Variants in RTN3 observed in about 807,000 individuals in gnomAD.
RTN3 encodes the protein reticulon 3.
A neutral mutation model predicts 77.8 loss-of-function variants in RTN3; 49 were observed. That is an observed-to-expected ratio of 0.63 (90% CI 0.50 to 0.80). RTN3 has a LOEUF of 0.80. Ranked by LOEUF, RTN3 falls within the 30% of genes least tolerant of loss-of-function variation. The probability of loss-of-function intolerance (pLI) is 0.00; values close to 1 mark genes in which losing one functional copy is unlikely to be tolerated. For synonymous variants in RTN3, 464 were observed against 446.9 expected (o/e 1.04, Z -0.48); for missense variants, 1,236 against 1,211.9 (o/e 1.02, Z -0.29).
intron 2 of RTN3, among the ~76,000 whole-genome samples, chr11:63,716,403 C>T (rs963060107): frequency 2.0e-5 from 3 of 152,256 alleles, no homozygotes; most frequent in Non-Finnish European, 2.9e-5. Flanking sequence ...GTTACTCATT[C>T]ATGCTCAAGG....
At chr11:63,682,286 G>C (rs193036270) in intron 1 of RTN3, among the ~76,000 whole-genome samples, 1 of 152,334 alleles carries the variant, frequency 6.6e-6, no homozygotes, top group Admixed American at 6.5e-5. Flanking sequence ...CTGCCCATGG[G>C]AAGGATGAGG....
At position 63,756,106 on chromosome 11, in the gene RTN3, T is replaced by C. The variant is rs1175696607; in HGVS notation, c.2995-6T>C. 2 of 1,609,992 alleles carry C rather than the reference T, an allele frequency of 1.2e-6. No individual in the cohort carries two copies. The highest frequency in any genetic ancestry group is 1.7e-6 in the Non-Finnish European group (2 of 1,176,344). On this transcript the variant is annotated splice_polypyrimidine_tract_variant and splice_region_variant and intron_variant, in intron 7 of 8. Coordinates refer to ENST00000377819, the MANE Select transcript of RTN3 (RefSeq NM_001265589.2). The stretch of plus-strand genomic sequence containing the variant: ...CCACAACTGAATTTATTTTCCTTCC[T>C]TAAAGACCCAGATTGATCACTATGT...
chr11:63,705,475 G>A (rs1266999025), intron 2 of RTN3, among the ~76,000 whole-genome samples: 1 of 152,178 alleles, frequency 6.6e-6, no homozygotes, highest in Non-Finnish European at 1.5e-5. Context: ...GCAAGACCCT[G>A]TGTCACCATC....
intron 1 of RTN3, among the ~76,000 whole-genome samples, chr11:63,699,026 G>A (rs1037866093): frequency 1.3e-5 from 2 of 152,106 alleles, no homozygotes; most frequent in Non-Finnish European, 2.9e-5. Context: ...AGTGGCTCAC[G>A]CCTGTAATCC....
intron 1 of RTN3, among the ~76,000 whole-genome samples, chr11:63,685,784 A>G (rs1941336654): frequency 6.6e-6 from 1 of 152,174 alleles, no homozygotes; most frequent in Admixed American, 6.5e-5. Flanking sequence ...GATTTTAGTT[A>G]AAGAAAAATA....
At chr11:63,734,681 G>A (rs368178859) in intron 3 of RTN3, among the ~76,000 whole-genome samples, 37 of 151,656 alleles carry the variant, frequency 2.4e-4, no homozygotes, top group East Asian at 7.8e-4. Flanking sequence ...GCAATGAGCC[G>A]AGTTCACGCT....
chr11:63,759,883 C>T (rs891148549), downstream of RTN3: 2 of 147,420 alleles, frequency 1.4e-5, no homozygotes, highest in East Asian at 4.0e-4. Flanking sequence ...AAAAAAAAAA[C>T]ACAAACAATG....
At chr11:63,697,228 G>A (rs980006930) in intron 1 of RTN3, among the ~76,000 whole-genome samples, 9 of 151,954 alleles carry the variant, frequency 5.9e-5, no homozygotes, top group Middle Eastern at 3.4e-3. Context: ...ATATCGTGAT[G>A]AATAATCTTA....
intron 2 of RTN3, among the ~76,000 whole-genome samples, chr11:63,709,423 A>G (rs1293345772): frequency 1.3e-5 from 2 of 152,136 alleles, no homozygotes; most frequent in Non-Finnish European, 2.9e-5. Flanking sequence ...ATGAGATTGG[A>G]AAGAGGATCC....
intron 1 of RTN3, among the ~76,000 whole-genome samples, chr11:63,694,281 A>G (rs1354773685): frequency 6.6e-6 from 1 of 151,416 alleles, no homozygotes; most frequent in Non-Finnish European, 1.5e-5. Flanking sequence ...GGTTCAAGCA[A>G]TTCTCCTGCC....
chr11:63,730,172 T>C (rs898504832), intron 3 of RTN3, among the ~76,000 whole-genome samples: 4 of 151,660 alleles, frequency 2.6e-5, no homozygotes, highest in Admixed American at 1.3e-4. Flanking sequence ...TCACCATGTT[T>C]GTCAGGCTGA....
chr11:63,690,768 T>G (rs1941613003), intron 1 of RTN3, among the ~76,000 whole-genome samples: 1 of 152,208 alleles, frequency 6.6e-6, no homozygotes, highest in East Asian at 1.9e-4. Flanking sequence ...GGTCACTTCA[T>G]CCTCCTCTTA....
chr11:63,701,069 A>G (rs1392892544), intron 1 of RTN3, among the ~76,000 whole-genome samples: 3 of 145,308 alleles, frequency 2.1e-5, no homozygotes, highest in Non-Finnish European at 3.0e-5. Flanking sequence ...CATCCTGGTG[A>G]CAGAGCGAGA....
chr11:63,686,018 T>TA (rs2134611892), intron 1 of RTN3, among the ~76,000 whole-genome samples: 1 of 152,266 alleles, frequency 6.6e-6, no homozygotes, highest in East Asian at 1.9e-4. Flanking sequence ...AAACTGAAGA[T>TA]ATCAGAGGCA....
At chr11:63,745,055 A>G (rs1269649349) in intron 3 of RTN3, among the ~76,000 whole-genome samples, 1 of 152,212 alleles carries the variant, frequency 6.6e-6, no homozygotes, top group Non-Finnish European at 1.5e-5. Flanking sequence ...TGAAATACAC[A>G]CTAGAACTAG....
chr11:63,752,169 TA>T (rs11297692), intron 4 of RTN3, among the ~76,000 whole-genome samples: 24,885 of 133,972 alleles, frequency 0.19, 2,092 homozygotes, highest in South Asian at 0.29. Context: ...TTAAAACTGC[TA>T]AAAAAAAAAA....
intron 3 of RTN3, among the ~76,000 whole-genome samples, chr11:63,726,600 C>T (rs894888153): frequency 1.1e-4 from 17 of 152,196 alleles, no homozygotes; most frequent in Admixed American, 6.5e-5. Flanking sequence ...CAATGGCCCA[C>T]GCCTGTAATC....
intron 7 of RTN3, among the ~76,000 whole-genome samples, chr11:63,754,175 G>C (rs2014245307): frequency 6.6e-6 from 1 of 152,096 alleles, no homozygotes; most frequent in African/African-American, 2.4e-5. Context: ...TAAGATAGGA[G>C]AATCTACTTG....
chr11:63,754,483 G>A (rs1024714009), intron 7 of RTN3, among the ~76,000 whole-genome samples: 1 of 151,974 alleles, frequency 6.6e-6, no homozygotes, highest in African/African-American at 2.4e-5. Context: ...GGCAGATCAC[G>A]AGGTCAGGAG....
Sources: gnomAD v4.1 joint callset for allele counts (sites outside exome capture counted in the v4.1 genomes callset) on GRCh38, gnomAD v4.1.1 for gene constraint, MANE v1.5 for transcripts, NCBI Gene and HGNC (gene_info 2026-07-23, HGNC 2026-07-21) for gene names.